The following TLK1 variants were observed in gnomAD, a reference collection of about 807,000 sequenced individuals.
The protein encoded by TLK1 is tousled like kinase 1.
A neutral mutation model predicts 105.3 loss-of-function variants in TLK1; 24 were observed. The observed-to-expected ratio is 0.23, with a 90% CI of 0.17 to 0.32. The LOEUF (loss-of-function observed/expected upper bound fraction) is 0.32. TLK1 is among the 10% of genes least tolerant of loss of function. The pLI is 1.00. For synonymous variants in TLK1, 321 were observed against 310.4 expected (o/e 1.03, Z -0.36); for missense variants, 558 against 910.5 (o/e 0.61, Z 4.98).
At chr2:171,204,147 T>A (rs180901910) in intron 1 of TLK1, among the ~76,000 whole-genome samples, 64 of 152,334 alleles carry the variant, frequency 4.2e-4, no homozygotes, top group Non-Finnish European at 5.9e-5. Context: ...TTAAAACTTG[T>A]GATTAGATCA....
intron 4 of TLK1, among the ~76,000 whole-genome samples, chr2:171,059,610 C>G (rs1991370): frequency 0.26 from 40,245 of 151,910 alleles, 5,631 homozygotes; most frequent in Middle Eastern, 0.35. Context: ...TCTGTTGGTC[C>G]TAACTAGTTT....
chr2:171,089,213 A>AT, intron 2 of TLK1, among the ~76,000 whole-genome samples: 1 of 152,266 alleles, frequency 6.6e-6, no homozygotes, highest in South Asian at 2.1e-4. Context: ...ATTTGTAGGA[A>AT]TTCTTTCCAT....
chr2:171,171,310 C>T (rs781290533), intron 1 of TLK1, among the ~76,000 whole-genome samples: 8 of 151,758 alleles, frequency 5.3e-5, no homozygotes, highest in African/African-American at 1.2e-4. Context: ...ACTGAGATCA[C>T]GCCACTGCAC....
rs771485057 is a variant in TLK1 at position 171,160,299 on chromosome 2, G to A, written c.130C>T (p.Pro44Ser). Residue 44 changes from proline (P) to serine (S), a missense_variant, in exon 1 of 21, where the codon CCC becomes TCC. Pro to Ser is a moderately conservative substitution (Grantham distance 74). Coordinates refer to ENST00000431350, the MANE Select transcript of TLK1 (RefSeq NM_012290.5). The surrounding 1 kb of genome is among the most constrained non-coding windows in gnomAD (Gnocchi z 4.4). ...GCGCGGCGGTGCTTACCTTCCCTGG[G>A]CCTCCCGGATGGCGGCGTGTGATTC... is the stretch of plus-strand genomic sequence containing the variant. ...LLNHTPPSGR[P>S]REGAMDELHS... 1.9e-6 allele frequency: 3 copies of A among 1,585,398 alleles called. No homozygotes were observed. Among genetic ancestry groups the A allele is most frequent in the Admixed American group, 1.8e-5 (1 of 56,264 alleles).
At chr2:171,229,461 G>T (rs1446585761) in intron 1 of TLK1, among the ~76,000 whole-genome samples, 2 of 152,184 alleles carry the variant, frequency 1.3e-5, no homozygotes, top group African/African-American at 4.8e-5. Context: ...TTGCCATTTT[G>T]TGTTTAGTTC....
At chr2:171,139,107 G>A (rs1472913718) in intron 1 of TLK1, among the ~76,000 whole-genome samples, 1 of 151,998 alleles carries the variant, frequency 6.6e-6, no homozygotes, top group East Asian at 1.9e-4. Flanking sequence ...TTTACTTACA[G>A]GACAAAGAAT....
intron 2 of TLK1, among the ~76,000 whole-genome samples, chr2:171,105,846 CCTA>C (rs748444153): frequency 1.3e-5 from 2 of 152,094 alleles, no homozygotes; most frequent in Non-Finnish European, 2.9e-5. Flanking sequence ...ATCCAGCAAT[CCTA>C]CTACTGGGTA....
chr2:171,199,672 TA>T (rs1345167738), intron 1 of TLK1, among the ~76,000 whole-genome samples: 2 of 152,160 alleles, frequency 1.3e-5, no homozygotes, highest in Non-Finnish European at 2.9e-5. Context: ...GTCAAAGTAG[TA>T]AATCCAGTGG....
intron 11 of TLK1, among the ~76,000 whole-genome samples, chr2:171,036,457 A>G (rs1028789622): frequency 6.6e-6 from 1 of 152,222 alleles, no homozygotes; most frequent in African/African-American, 2.4e-5. Context: ...TTCATCAAAA[A>G]GAAAGGATAA....
chr2:171,195,317 C>T (rs1302582698), intron 1 of TLK1, among the ~76,000 whole-genome samples: 1 of 151,908 alleles, frequency 6.6e-6, no homozygotes, highest in Non-Finnish European at 1.5e-5. Context: ...TCCTGGCTAA[C>T]ACGGTGAAAC....
At chr2:171,055,012 T>A (rs1338345083) in intron 7 of TLK1, 71 bp downstream of exon 7, 2 of 823,286 alleles carry the variant, frequency 2.4e-6, no homozygotes, top group Admixed American at 6.5e-5. Context: ...CAAACAGACA[T>A]CTTAGTTGTT....
chr2:171,147,384 T>G (rs1312595777), intron 1 of TLK1, among the ~76,000 whole-genome samples: 1 of 152,194 alleles, frequency 6.6e-6, no homozygotes, highest in Non-Finnish European at 1.5e-5. Flanking sequence ...TCGCCCCCTT[T>G]GCCCAGTAAG....
chr2:171,040,715 T>G (rs1418088936), intron 11 of TLK1, among the ~76,000 whole-genome samples: 1 of 151,870 alleles, frequency 6.6e-6, no homozygotes, highest in Admixed American at 6.6e-5. Flanking sequence ...AAGCTGGGAC[T>G]ATAGGTACAT....
In TLK1 at chr2:171,046,079, G is replaced by T. The variant is rs1686948779; in HGVS notation, c.1169+95C>A. The stretch of plus-strand genomic sequence containing the variant: ...TTCCTTCCTGGTCTTAATCATTTTT[G>T]CTATCTAAGTATTAATTATAAATAA... On this transcript the variant is annotated intron_variant, in intron 11 of 20. Transcript: ENST00000431350. 25 of 1,101,586 alleles carry T rather than the reference G, an allele frequency of 2.3e-5. 1 individual carries two copies. In the South Asian group the frequency reaches 4.1e-4, roughly 18 times the overall value. The allele number at this position is 1,101,586 out of a possible 1,614,324, so 68.2% of individuals were successfully genotyped here.
At chr2:171,092,085 T>C (rs1689262797) in intron 2 of TLK1, among the ~76,000 whole-genome samples, 1 of 152,090 alleles carries the variant, frequency 6.6e-6, no homozygotes, top group African/African-American at 2.4e-5. Flanking sequence ...ATGAGCAGTT[T>C]CTGTTGCTTC....
chr2:171,071,340 T>G (rs189288619), intron 3 of TLK1, among the ~76,000 whole-genome samples: 2 of 151,878 alleles, frequency 1.3e-5, no homozygotes, highest in Non-Finnish European at 2.9e-5. Context: ...CAGGCTGGAG[T>G]GCAGTGGCGT....
intron 2 of TLK1, among the ~76,000 whole-genome samples, chr2:171,100,483 C>A (rs768735976): frequency 6.6e-6 from 1 of 152,082 alleles, no homozygotes; most frequent in Non-Finnish European, 1.5e-5. Context: ...ATCCACTTCC[C>A]CTTTGACCTT....
chr2:171,201,579 G>C (rs1693398333), intron 1 of TLK1, among the ~76,000 whole-genome samples: 1 of 152,142 alleles, frequency 6.6e-6, no homozygotes, highest in African/African-American at 2.4e-5. Context: ...TCATTTACTG[G>C]CTCTATAGAC....
chr2:171,173,719 A>G (rs1335169615), intron 1 of TLK1, among the ~76,000 whole-genome samples: 1 of 152,076 alleles, frequency 6.6e-6, no homozygotes, highest in Admixed American at 6.6e-5. Context: ...TTGTTTCTTC[A>G]GCCCACATCT....
Sources: gnomAD v4.1 joint callset for allele counts (sites outside exome capture counted in the v4.1 genomes callset) on GRCh38, gnomAD v4.1.1 for gene constraint, Gnocchi (gnomAD v3.1) non-coding constraint, MANE v1.5 for transcripts, NCBI Gene and HGNC (gene_info 2026-07-23, HGNC 2026-07-21) for gene names.